SNTG1: variants seen among roughly 807,000 people sequenced by gnomAD.
The protein encoded by SNTG1 is syntrophin gamma 1.
A neutral mutation model predicts 74.7 loss-of-function variants in SNTG1; 39 were observed. That is an observed-to-expected ratio of 0.52 (90% CI 0.40 to 0.68). The LOEUF is 0.68. Ranked by LOEUF, SNTG1 falls within the 30% of genes least tolerant of loss-of-function variation. The probability of loss-of-function intolerance (pLI) is 0.00; values close to 1 mark genes in which losing one functional copy is unlikely to be tolerated. For missense variants in SNTG1, 685 were observed against 609.5 expected (o/e 1.12, Z -1.30); for synonymous variants, 254 against 217.1 (o/e 1.17, Z -1.49).
chr8:50,458,839 C>A (rs1339796745), intron 8 of SNTG1, among the ~76,000 whole-genome samples: 3 of 152,094 alleles, frequency 2.0e-5, no homozygotes, highest in Non-Finnish European at 1.5e-5. Context: ...ATACAATTCG[C>A]AAATATTTTT....
chr8:50,390,078 T>A (rs886898981), intron 2 of SNTG1, among the ~76,000 whole-genome samples: 1 of 151,326 alleles, frequency 6.6e-6, no homozygotes, highest in African/African-American at 2.4e-5. Context: ...GCAGAAGCTC[T>A]TTACTTTAAT....
chr8:50,724,248 ACAAAGCAACAGAGGTGC>A (rs1400763410), intron 17 of SNTG1, among the ~76,000 whole-genome samples: 9 of 152,166 alleles, frequency 5.9e-5, no homozygotes, highest in African/African-American at 2.2e-4. Context: ...ATAATCACAA[ACAAAGCAACAGAGGTGC>A]CAAATGATTT....
At chr8:50,283,377 C>A (rs114978551) in intron 2 of SNTG1, among the ~76,000 whole-genome samples, 216 of 152,228 alleles carry the variant, frequency 1.4e-3, no homozygotes, top group African/African-American at 5.1e-3. Context: ...TATAGTTGCT[C>A]ACAAAATATT....
At chr8:50,199,055 C>G (rs2083884907) in intron 2 of SNTG1, among the ~76,000 whole-genome samples, 1 of 152,076 alleles carries the variant, frequency 6.6e-6, no homozygotes, top group African/African-American at 2.4e-5. Context: ...TCATCAGGCT[C>G]AGATTTGGAA....
At chr8:50,446,538 G>A (rs1444864612) in intron 5 of SNTG1, among the ~76,000 whole-genome samples, 2 of 152,028 alleles carry the variant, frequency 1.3e-5, no homozygotes, top group Non-Finnish European at 2.9e-5. Context: ...AATTAGCTGG[G>A]CATGATGGTG....
rs2094523746 is a variant in SNTG1 at position 50,567,680 on chromosome 8, CA to C, written c.810+14503del. On this transcript the variant is annotated intron_variant, in intron 12 of 18. Coordinates refer to ENST00000642720, the MANE Select transcript of SNTG1 (RefSeq NM_018967.5). ...TCAAATTAATAATATGTACAAGAAC[CA>C]ATTTCCTTTATTTTTTAAATTAATG... Among the ~76,000 whole-genome samples, 4 of 151,950 alleles carry C rather than the reference CA, an allele frequency of 2.6e-5. No homozygotes were observed. The South Asian group carries it at 8.3e-4, about 32-fold the overall frequency.
At chr8:50,559,078 G>A (rs2094472553) in intron 12 of SNTG1, among the ~76,000 whole-genome samples, 1 of 152,136 alleles carries the variant, frequency 6.6e-6, no homozygotes, top group South Asian at 2.1e-4. Flanking sequence ...ACCAGGTGGT[G>A]AGCAAAGTAA....
chr8:50,652,084 A>G (rs2095150645), intron 13 of SNTG1, among the ~76,000 whole-genome samples: 1 of 152,118 alleles, frequency 6.6e-6, no homozygotes. Flanking sequence ...TTGATCTGTG[A>G]ACTATGTTGC....
At chr8:50,292,222 AAGGAAGAC>A (rs1404921451) in intron 2 of SNTG1, among the ~76,000 whole-genome samples, 1 of 152,128 alleles carries the variant, frequency 6.6e-6, no homozygotes, top group Non-Finnish European at 1.5e-5. Context: ...CCAGATGAGT[AAGGAAGAC>A]AGGGTGTTCC....
chr8:50,527,288 G>T (rs1277349533), intron 9 of SNTG1, among the ~76,000 whole-genome samples: 2 of 151,952 alleles, frequency 1.3e-5, no homozygotes, highest in Admixed American at 6.6e-5. Context: ...CTTAGTCTTT[G>T]TATATCTACA....
At position 50,125,137 on chromosome 8, in the gene SNTG1, G is replaced by T. The variant is rs1197335058; in HGVS notation, c.-102-47424G>T. 2.8e-5 allele frequency among the ~76,000 whole-genome samples: 4 copies of T among 142,118 alleles called. 1 individual carries two copies. The Admixed American group carries it at 2.9e-4, about 10-fold the overall frequency. The allele number at this position is 142,118 out of a possible 152,430, so 93.2% of individuals were successfully genotyped here. On this transcript the variant is annotated intron_variant, in intron 1 of 18. Transcript: ENST00000642720. ...TGTAAAAAGATTATGTGAATACAAA[G>T]CAATTACAGAGGTTGGTTTGGGTAG...
intron 11 of SNTG1, among the ~76,000 whole-genome samples, chr8:50,552,808 GT>G (rs1310801072): frequency 6.6e-6 from 1 of 152,144 alleles, no homozygotes; most frequent in Non-Finnish European, 1.5e-5. Context: ...AGAAGTCAAA[GT>G]TTCTCCATAG....
At chr8:50,421,243 A>G (rs1216649821) in intron 4 of SNTG1, among the ~76,000 whole-genome samples, 1 of 152,118 alleles carries the variant, frequency 6.6e-6, no homozygotes, top group African/African-American at 2.4e-5. Flanking sequence ...TTATTAAGAT[A>G]GTAAAGGAAT....
intron 2 of SNTG1, among the ~76,000 whole-genome samples, chr8:50,378,152 A>T (rs574225046): frequency 6.6e-6 from 1 of 152,334 alleles, no homozygotes; most frequent in African/African-American, 2.4e-5. Flanking sequence ...CGGCCACTGC[A>T]CGATCAGACA....
chr8:50,241,300 G>A (rs762024042), intron 2 of SNTG1, among the ~76,000 whole-genome samples: 2 of 152,194 alleles, frequency 1.3e-5, no homozygotes, highest in Non-Finnish European at 2.9e-5. Context: ...AGAAAGAAGA[G>A]CAGAGAGTGT....
chr8:50,558,778 A>G (rs1432037162), intron 12 of SNTG1, among the ~76,000 whole-genome samples: 2 of 152,144 alleles, frequency 1.3e-5, no homozygotes, highest in African/African-American at 4.8e-5. Flanking sequence ...ATATTTTTTA[A>G]AAGTCCTGAT....
intron 1 of SNTG1, among the ~76,000 whole-genome samples, chr8:50,112,598 C>G (rs889945411): frequency 7.4e-6 from 1 of 135,926 alleles, no homozygotes; most frequent in African/African-American, 2.7e-5. Context: ...TCTCAGCTCA[C>G]TGCAACCTCT....
intron 2 of SNTG1, among the ~76,000 whole-genome samples, chr8:50,385,765 T>G (rs1475197355): frequency 6.6e-6 from 1 of 152,164 alleles, no homozygotes; most frequent in African/African-American, 2.4e-5. Flanking sequence ...GGTCAATAGC[T>G]GCATGCCAGG....
At chr8:50,678,380 A>C (rs939620551) in intron 15 of SNTG1, among the ~76,000 whole-genome samples, 5 of 152,074 alleles carry the variant, frequency 3.3e-5, no homozygotes, top group Non-Finnish European at 1.5e-5. Flanking sequence ...GAAATCCATA[A>C]GCACCCAACT....
Sources: gnomAD v4.1 joint callset for allele counts (sites outside exome capture counted in the v4.1 genomes callset) on GRCh38, gnomAD v4.1.1 for gene constraint, MANE v1.5 for transcripts, NCBI Gene and HGNC (gene_info 2026-07-23, HGNC 2026-07-21) for gene names.